ZNF521: variants seen among roughly 807,000 people sequenced by gnomAD.
ZNF521 encodes the protein zinc finger protein 521.
ZNF521 carries 14 observed loss-of-function variants against 105.5 expected under a neutral mutation model. The observed-to-expected ratio is 0.13, with a 90% CI of 0.09 to 0.21. ZNF521 has a LOEUF of 0.21. Ranked by LOEUF, ZNF521 falls within the 10% of genes least tolerant of loss-of-function variation. The probability of loss-of-function intolerance (pLI) is 1.00; values close to 1 mark genes in which losing one functional copy is unlikely to be tolerated. For synonymous variants in ZNF521, 635 were observed against 606.0 expected, an observed-to-expected ratio of 1.05 and a Z score of -0.70; for missense variants, 1,233 against 1,629.7, an observed-to-expected ratio of 0.76 and a Z score of 4.19.
intron 5 of ZNF521, among the ~76,000 whole-genome samples, chr18:25,165,459 G>A (rs1368579973): frequency 6.6e-6 from 1 of 152,152 alleles, no homozygotes; most frequent in Non-Finnish European, 1.5e-5. Flanking sequence ...ACCGTCCCCC[G>A]GTAGACTGTC....
chr18:25,309,862 A>C (rs1912196779), intron 3 of ZNF521, among the ~76,000 whole-genome samples: 1 of 152,200 alleles, frequency 6.6e-6, no homozygotes, highest in African/African-American at 2.4e-5. Context: ...AAATGGAAAA[A>C]TGTTTTGTTG....
intron 3 of ZNF521, among the ~76,000 whole-genome samples, chr18:25,272,384 C>A (rs924679665): frequency 6.6e-6 from 1 of 152,114 alleles, no homozygotes; most frequent in Non-Finnish European, 1.5e-5. Flanking sequence ...ACTAGAAATA[C>A]CGATTGACCC....
At chr18:25,210,903 A>T (rs189256180) in intron 4 of ZNF521, among the ~76,000 whole-genome samples, 102 of 152,350 alleles carry the variant, frequency 6.7e-4, no homozygotes, top group African/African-American at 2.3e-3. Flanking sequence ...CATGTATCCA[A>T]ATAACCATAT....
At position 25,145,002 on chromosome 18, in the gene ZNF521, A is replaced by C. The variant is rs942699473; in HGVS notation, c.3658+50158T>G. On this transcript the variant is annotated intron_variant, in intron 5 of 7. Transcript: ENST00000361524. ...CACATATGTAAGTAAGTTCACCAGC[A>C]TGCAAGAGCTCTGCTGGCTGCAGAT... Among the ~76,000 whole-genome samples, 67 of 152,190 alleles carry C rather than the reference A, an allele frequency of 4.4e-4. 2 individuals carry two copies.
At chr18:25,148,532 T>C (rs2034988329) in intron 5 of ZNF521, among the ~76,000 whole-genome samples, 1 of 152,198 alleles carries the variant, frequency 6.6e-6, no homozygotes, top group South Asian at 2.1e-4. Flanking sequence ...TAAGTATAAA[T>C]ATTCTGGAAA....
At chr18:25,108,687 C>T (rs1000991061) in intron 5 of ZNF521, among the ~76,000 whole-genome samples, 37 of 152,298 alleles carry the variant, frequency 2.4e-4, no homozygotes, top group African/African-American at 6.5e-4. Flanking sequence ...TGCAGTGGCT[C>T]GATCTTGGCT....
rs1055571408 is a variant in ZNF521 at position 25,085,657 on chromosome 18, G to A, written c.3906+3808C>T. 8.2e-4 allele frequency among the ~76,000 whole-genome samples: 95 copies of A among 115,846 alleles called. No homozygotes were observed. The East Asian group carries it at 0.015, about 19-fold the overall frequency. 76.0% of individuals were successfully genotyped at this position (115,846 alleles called of 152,430 possible). The stretch of plus-strand genomic sequence containing the variant: ...CTTATACATCCCCATATATATATGT[G>A]TGTGTGTGTGTGTGTGTGTGTGTGT... On this transcript the variant is annotated intron_variant, in intron 7 of 7. Coordinates refer to ENST00000361524, the MANE Select transcript of ZNF521 (RefSeq NM_015461.3).
At chr18:25,285,047 GAGTGGCC>G (rs1910618594) in intron 3 of ZNF521, among the ~76,000 whole-genome samples, 1 of 150,604 alleles carries the variant, frequency 6.6e-6, no homozygotes, top group African/African-American at 2.4e-5. Flanking sequence ...TAAGCTGAAG[GAGTGGCC>G]AGAAAAGGGA....
chr18:25,074,842 G>C (rs767527116), intron 7 of ZNF521, among the ~76,000 whole-genome samples: 3 of 152,078 alleles, frequency 2.0e-5, no homozygotes, highest in Non-Finnish European at 4.4e-5. Context: ...ATGGTGCACA[G>C]AGCTACTGGA....
chr18:25,349,920 G>A (rs1327553865), intron 2 of ZNF521, among the ~76,000 whole-genome samples: 2 of 151,266 alleles, frequency 1.3e-5, no homozygotes, highest in Non-Finnish European at 3.0e-5. Flanking sequence ...TCCGGCCCTC[G>A]CGCTCCGCCG....
At chr18:25,212,520 AAAAAAAAAAAAAAAAAAAAT>A (rs2036201377) in intron 4 of ZNF521, among the ~76,000 whole-genome samples, 1 of 108,064 alleles carries the variant, frequency 9.3e-6, no homozygotes, top group African/African-American at 4.4e-5. Flanking sequence ...AAAAAAAAAA[AAAAAAAAAAAAAAAAAAAAT>A]ATATATATAT....
At chr18:25,202,943 T>C (rs2036016897) in intron 4 of ZNF521, 1 of 152,238 alleles carries the variant, frequency 6.6e-6, no homozygotes, top group Non-Finnish European at 1.5e-5. Context: ...ATTTGTATTC[T>C]TGTGACAGTT....
rs991234469 is a variant in ZNF521, at chr18:25,062,103, G to GA, written c.*608dup. 65 of 198,654 alleles carry GA rather than the reference G, an allele frequency of 3.3e-4. No homozygotes were observed. The highest frequency in any genetic ancestry group is 1.7e-3 in the Middle Eastern group (1 of 604). The allele number at this position is 198,654 out of a possible 1,614,324, so 12.3% of individuals were successfully genotyped here. A position where few individuals can be genotyped will look rare whatever the true frequency, so the allele number is the denominator to read the frequency against. On this transcript the variant is annotated 3_prime_UTR_variant, in exon 8 of 8. Transcript: ENST00000361524. ...ACTCAAAGCTTCAAATGTATCCAGGGAAAAAAAAATTCTTTGACAGTCTAC... is the reference window on the plus strand; with the variant it reads ...ACTCAAAGCTTCAAATGTATCCAGGGAAAAAAAAAATTCTTTGACAGTCTAC...
intron 2 of ZNF521, among the ~76,000 whole-genome samples, chr18:25,335,178 TGA>T (rs1913801463): frequency 6.6e-6 from 1 of 152,210 alleles, no homozygotes; most frequent in South Asian, 2.1e-4. Flanking sequence ...AGAAAAAGTC[TGA>T]GAGGGTTGGA....
intron 3 of ZNF521, among the ~76,000 whole-genome samples, chr18:25,308,810 C>CT (rs1195832624): frequency 6.6e-6 from 1 of 152,096 alleles, no homozygotes; most frequent in Non-Finnish European, 1.5e-5. Context: ...GGAAAACACA[C>CT]TACTGGGAGG....
intron 3 of ZNF521, among the ~76,000 whole-genome samples, chr18:25,310,027 C>A (rs75411778): frequency 0.05 from 7,534 of 152,152 alleles, 246 homozygotes; most frequent in Non-Finnish European, 0.074. Flanking sequence ...GCTGCTCTTA[C>A]TTTTATTTTC....
intron 5 of ZNF521, among the ~76,000 whole-genome samples, chr18:25,122,349 C>T (rs2034459688): frequency 6.6e-6 from 1 of 152,068 alleles, no homozygotes; most frequent in Admixed American, 6.6e-5. Context: ...AGGAGATGTA[C>T]AGAAAAATAT....
At chr18:25,335,853 C>A (rs781348232) in intron 2 of ZNF521, among the ~76,000 whole-genome samples, 3 of 152,156 alleles carry the variant, frequency 2.0e-5, no homozygotes, top group African/African-American at 7.2e-5. Context: ...GGTCAACCAG[C>A]GAGCGCGGAC....
At chr18:25,351,114 G>T in intron 1 of ZNF521, 167 bp from the exon 2 acceptor site, 1 of 230,844 alleles carries the variant, frequency 4.3e-6, no homozygotes, top group Non-Finnish European at 7.2e-6. Context: ...GCGCTCGCGC[G>T]CGGGGCTCGC....
Sources: allele counts gnomAD v4.1 joint callset (sites outside exome capture counted in the v4.1 genomes callset), GRCh38; gene constraint gnomAD v4.1.1; transcripts MANE v1.5; gene names NCBI Gene and HGNC (gene_info 2026-07-23, HGNC 2026-07-21).